PHF14: variants seen among roughly 807,000 people sequenced by gnomAD.
PHF14 encodes PHD finger protein 14.
In PHF14, 55 loss-of-function variants were observed where a neutral mutation model predicts 117.9. The ratio of observed to expected loss-of-function variants is 0.47; its 90% confidence interval spans 0.38 to 0.58. The LOEUF (loss-of-function observed/expected upper bound fraction) is 0.58, where lower values mean the gene tolerates loss of function less well. Among genes scored for constraint, PHF14 ranks in the 20% least tolerant of loss-of-function variants. The pLI, the probability that PHF14 is intolerant of heterozygous loss-of-function variation, is 0.00. For missense variants in PHF14, 978 were observed against 1,122.2 expected, an observed-to-expected ratio of 0.87 and a Z score of 1.84; for synonymous variants, 409 against 368.6, an observed-to-expected ratio of 1.11 and a Z score of -1.26.
chr7:11,028,610 T>G, intron 6 of PHF14, 71 bp from the exon 7 acceptor site: 1 of 1,380,356 alleles, frequency 7.2e-7, no homozygotes, highest in Non-Finnish European at 1.0e-6. Flanking sequence ...TAGTGGACAC[T>G]TTGTATGAGA....
chr7:11,013,463 A>C (rs999303763), intron 4 of PHF14, among the ~76,000 whole-genome samples: 2 of 152,268 alleles, frequency 1.3e-5, no homozygotes, highest in East Asian at 1.9e-4. Flanking sequence ...CACCCAGCCT[A>C]ATTTTTATAT....
At chr7:11,001,795 A>G (rs1377908854) in intron 4 of PHF14, among the ~76,000 whole-genome samples, 1 of 152,168 alleles carries the variant, frequency 6.6e-6, no homozygotes, top group Non-Finnish European at 1.5e-5. Flanking sequence ...CTACTTAGAC[A>G]GTCATGTCAT....
chr7:11,141,898 C>T (rs1486520013), intron 17 of PHF14, among the ~76,000 whole-genome samples: 1 of 144,098 alleles, frequency 6.9e-6, no homozygotes, highest in East Asian at 2.1e-4. Context: ...GAAAATACTG[C>T]TTCTGTGAGA....
chr7:11,047,922 A>C (rs1784729116), intron 13 of PHF14, among the ~76,000 whole-genome samples: 1 of 85,330 alleles, frequency 1.2e-5, no homozygotes, highest in Non-Finnish European at 2.1e-5. Flanking sequence ...AAGGAAGGGA[A>C]GGGAGAGGGA....
In PHF14 at chr7:10,982,639, A is replaced by AAGAGAAGGAAAG. The variant is rs1355434877; in HGVS notation, c.392_403dup (p.Arg131_Glu134dup). On this transcript the variant is annotated inframe_insertion, in exon 3 of 18. Transcript: ENST00000634607. ...AAGGAAAAAGAAAAGGAAAAGGAGA[A>AAGAGAAGGAAAG]AGAGAAGGAAAGAGAGAAGGAAAAA... The AAGAGAAGGAAAG allele has an allele frequency of 6.5e-7, 1 of 1,544,576 alleles. No individual in the cohort carries two copies. The highest frequency in any genetic ancestry group is 8.8e-7 in the Non-Finnish European group (1 of 1,139,180).
intron 16 of PHF14, among the ~76,000 whole-genome samples, chr7:11,081,997 G>A (rs767833026): frequency 1.3e-5 from 2 of 152,074 alleles, no homozygotes; most frequent in African/African-American, 4.8e-5. Context: ...AAAGCTAATA[G>A]TGTACGTAGA....
Position 10,974,255 on chromosome 7 carries a change from C to T in PHF14, c.-69C>T, listed in dbSNP as rs1380042709. ...TGTCTTCGCGGCCCCAGTCCCCGAC[C>T]TCGGCGCTGCCTGGGCTCCTGCAGC... On this transcript the variant is annotated 5_prime_UTR_variant, in exon 1 of 18. Coordinates refer to ENST00000634607, the MANE Select transcript of PHF14 (RefSeq NM_001007157.2). 6 of 1,427,102 alleles carry T rather than the reference C, an allele frequency of 4.2e-6. No homozygotes were observed. The highest frequency in any genetic ancestry group is 5.8e-6 in the Non-Finnish European group (6 of 1,032,692). 88.4% of individuals were successfully genotyped at this position (1,427,102 alleles called of 1,614,324 possible). A position where few individuals can be genotyped will look rare whatever the true frequency, so the allele number is the denominator to read the frequency against.
intron 4 of PHF14, among the ~76,000 whole-genome samples, chr7:11,003,983 C>T (rs1782977052): frequency 6.6e-6 from 1 of 152,046 alleles, no homozygotes; most frequent in South Asian, 2.1e-4. Context: ...CTTGGTGGCT[C>T]ACGCTTGTAA....
intron 16 of PHF14, among the ~76,000 whole-genome samples, chr7:11,068,072 C>G (rs201123246): frequency 2.6e-5 from 4 of 152,030 alleles, no homozygotes; most frequent in African/African-American, 9.7e-5. Flanking sequence ...AATTCTGGGC[C>G]GGGTGCGGTG....
At chr7:11,069,783 G>C (rs934937901) in intron 16 of PHF14, among the ~76,000 whole-genome samples, 2 of 150,222 alleles carry the variant, frequency 1.3e-5, no homozygotes, top group Non-Finnish European at 3.0e-5. Flanking sequence ...TGATCCTCCT[G>C]AGTAGCTGGA....
chr7:10,995,518 G>A (rs1782607372), intron 4 of PHF14, among the ~76,000 whole-genome samples: 1 of 152,232 alleles, frequency 6.6e-6, no homozygotes, highest in Admixed American at 6.5e-5. Flanking sequence ...AGGGCCACAT[G>A]TGGAGCTGCC....
At chr7:11,146,964 A>T (rs986184223) in intron 17 of PHF14, among the ~76,000 whole-genome samples, 5 of 152,132 alleles carry the variant, frequency 3.3e-5, no homozygotes, top group African/African-American at 1.2e-4. Context: ...CTCCCTTCTC[A>T]GCCTTCTGAG....
At chr7:11,035,929 TAGTG>T (rs779950892) in intron 8 of PHF14, 143 bp downstream of exon 8, 2 of 661,210 alleles carry the variant, frequency 3.0e-6, no homozygotes, top group Non-Finnish European at 5.2e-6. Context: ...TTAAGGTAAA[TAGTG>T]AGTATAATTT....
intron 11 of PHF14, among the ~76,000 whole-genome samples, chr7:11,039,362 T>C (rs975948657): frequency 1.6e-4 from 24 of 152,138 alleles, no homozygotes; most frequent in Admixed American, 5.9e-4. Flanking sequence ...TGTTAAAATG[T>C]ATTTTTCCCC....
At chr7:11,079,202 C>G (rs746090013) in intron 16 of PHF14, among the ~76,000 whole-genome samples, 19 of 152,274 alleles carry the variant, frequency 1.2e-4, no homozygotes, top group South Asian at 8.3e-4. Flanking sequence ...TAATTCTGCT[C>G]TATGTCTCTA....
intron 16 of PHF14, among the ~76,000 whole-genome samples, chr7:11,066,517 TTTC>T (rs1785429227): frequency 6.6e-6 from 1 of 152,242 alleles, no homozygotes; most frequent in South Asian, 2.1e-4. Flanking sequence ...TGACAAAAAC[TTTC>T]TTCTTTGTTT....
At chr7:11,078,362 C>G (rs776947348) in intron 16 of PHF14, among the ~76,000 whole-genome samples, 18 of 151,974 alleles carry the variant, frequency 1.2e-4, no homozygotes, top group Non-Finnish European at 2.1e-4. Context: ...CAATAACTAA[C>G]TAGGAAAAAT....
At chr7:11,062,167 A>G in intron 16 of PHF14, 82 bp downstream of exon 16, 1 of 1,179,240 alleles carries the variant, frequency 8.5e-7, no homozygotes, top group Non-Finnish European at 1.2e-6. Flanking sequence ...TGAAAAAACA[A>G]TTGCAGGATA....
chr7:11,070,821 A>G (rs1381829079), intron 16 of PHF14, among the ~76,000 whole-genome samples: 1 of 152,222 alleles, frequency 6.6e-6, no homozygotes, highest in Non-Finnish European at 1.5e-5. Flanking sequence ...TTCAGAATAA[A>G]TGCTTGTTAA....
Sources: gnomAD v4.1 joint callset for allele counts (sites outside exome capture counted in the v4.1 genomes callset) on GRCh38, gnomAD v4.1.1 for gene constraint, MANE v1.5 for transcripts, NCBI Gene and HGNC (gene_info 2026-07-23, HGNC 2026-07-21) for gene names.